L3MBTL3: variants seen among roughly 807,000 people sequenced by gnomAD.
L3MBTL3 encodes the protein lethal(3)malignant brain tumor-like protein 3.
L3MBTL3 carries 27 observed loss-of-function variants against 102.3 expected under a neutral mutation model. The observed-to-expected ratio is 0.26, with a 90% CI of 0.19 to 0.36. L3MBTL3 has a LOEUF of 0.36. Ranked by LOEUF, L3MBTL3 falls within the 10% of genes least tolerant of loss-of-function variation. The pLI is 1.00. For synonymous variants in L3MBTL3, 340 were observed against 320.9 expected (o/e 1.06, Z -0.64); for missense variants, 798 against 955.3 (o/e 0.84, Z 2.17).
chr6:130,047,106 AT>A (rs202197571), intron 3 of L3MBTL3, among the ~76,000 whole-genome samples: 7 of 151,270 alleles, frequency 4.6e-5, no homozygotes, highest in Admixed American at 6.6e-5. Flanking sequence ...GGTATTCTTT[AT>A]TTTTTTTTCA....
chr6:130,084,871 C>T (rs1251053207), intron 15 of L3MBTL3, among the ~76,000 whole-genome samples: 2 of 152,072 alleles, frequency 1.3e-5, no homozygotes, highest in African/African-American at 4.8e-5. Context: ...GCTTTGTTGC[C>T]CAGGCTGGAG....
At chr6:130,125,706 C>T (rs1363049686) in intron 20 of L3MBTL3, among the ~76,000 whole-genome samples, 2 of 152,164 alleles carry the variant, frequency 1.3e-5, no homozygotes, top group Non-Finnish European at 1.5e-5. Flanking sequence ...GTGGCAGAAG[C>T]AGCCCTTTCA....
chr6:130,078,842 C>T (rs1783125888), intron 14 of L3MBTL3, among the ~76,000 whole-genome samples: 1 of 152,078 alleles, frequency 6.6e-6, no homozygotes, highest in African/African-American at 2.4e-5. Context: ...AGTTTATTTA[C>T]AAAAACAGGC....
At position 130,053,401 on chromosome 6, in the gene L3MBTL3, C is replaced by T. The variant is rs189545484; in HGVS notation, c.582+410C>T. Among the ~76,000 whole-genome samples the T allele has an allele frequency of 6.5e-3, 990 of 152,070 alleles. 5 individuals are homozygous for T. The highest frequency in any genetic ancestry group is 9.8e-3 in the Non-Finnish European group (664 of 67,972). On this transcript the variant is annotated intron_variant, in intron 7 of 22. Coordinates refer to ENST00000361794, the MANE Select transcript of L3MBTL3 (RefSeq NM_032438.4). ...CTGTAATCCCAGCACTTTGGGAGGCCGAGGCCGGCAGATCACGAGGTCGGG... is the reference window on the plus strand; with the variant it reads ...CTGTAATCCCAGCACTTTGGGAGGCTGAGGCCGGCAGATCACGAGGTCGGG...
intron 16 of L3MBTL3, 74 bp downstream of exon 16, chr6:130,086,324 T>C (rs1374340617): frequency 3.0e-6 from 3 of 985,552 alleles, no homozygotes; most frequent in Non-Finnish European, 3.1e-6. Flanking sequence ...TGGTAGATAC[T>C]TAACTTGTGA....
chr6:130,052,616 C>T (rs1468807332), intron 6 of L3MBTL3, among the ~76,000 whole-genome samples: 1 of 152,186 alleles, frequency 6.6e-6, no homozygotes, highest in African/African-American at 2.4e-5. Flanking sequence ...TGCTGGCCCC[C>T]TTTTGAAATT....
intron 3 of L3MBTL3, 94 bp downstream of exon 3, chr6:130,042,895 C>A: frequency 2.4e-6 from 2 of 833,438 alleles, no homozygotes; most frequent in Non-Finnish European, 4.0e-6. Context: ...AAATTAAAAG[C>A]ATTAATCATA....
At position 130,133,938 on chromosome 6, in the gene L3MBTL3, T is replaced by A. The variant is rs1472526379; in HGVS notation, c.2199+33T>A. 6.6e-7 allele frequency: 1 copy of A among 1,517,338 alleles called. No individual in the cohort carries two copies. Among genetic ancestry groups the A allele is most frequent in the East Asian group, 2.3e-5 (1 of 44,332 alleles). The allele number at this position is 1,517,338 out of a possible 1,614,324, so 94.0% of individuals were successfully genotyped here. ...TTCCACTAAATTGCAATATGTTACT[T>A]AATGGGATCAAAGCACTGAAATGCA... is the stretch of plus-strand genomic sequence containing the variant. On this transcript the variant is annotated intron_variant, in intron 22 of 22. Transcript: ENST00000361794. The surrounding 1 kb of genome is among the most constrained non-coding windows in gnomAD (Gnocchi z 4.9).
At chr6:130,125,216 T>G (rs1351603990) in intron 20 of L3MBTL3, among the ~76,000 whole-genome samples, 1 of 152,164 alleles carries the variant, frequency 6.6e-6, no homozygotes. Flanking sequence ...TTTGTGATGT[T>G]GTCAACATGT....
chr6:130,022,009 G>A (rs536656011), intron 1 of L3MBTL3, among the ~76,000 whole-genome samples: 41 of 152,262 alleles, frequency 2.7e-4, no homozygotes, highest in Admixed American at 2.2e-3. Context: ...AGACGTTATT[G>A]GGTGAATTTA....
chr6:130,020,226 G>A (rs1361885014), intron 1 of L3MBTL3, among the ~76,000 whole-genome samples: 2 of 151,000 alleles, frequency 1.3e-5, no homozygotes, highest in African/African-American at 2.4e-5. Flanking sequence ...TCCTCGCGCC[G>A]CGGCGGCGGG....
chr6:130,127,097 A>C (rs773121236), intron 20 of L3MBTL3, among the ~76,000 whole-genome samples: 2 of 152,208 alleles, frequency 1.3e-5, no homozygotes, highest in Non-Finnish European at 2.9e-5. Flanking sequence ...TGGTCTTACT[A>C]TGTAGATAAT....
chr6:130,104,757 T>C (rs1323579273), intron 19 of L3MBTL3, among the ~76,000 whole-genome samples, 182 bp downstream of exon 19: 1 of 152,006 alleles, frequency 6.6e-6, no homozygotes, highest in African/African-American at 2.4e-5. Context: ...AATTAGAGAA[T>C]TGATAAAAGC....
Position 130,133,378 on chromosome 6 carries a change from C to A in L3MBTL3, c.1967-74C>A. On this transcript the variant is annotated intron_variant, in intron 20 of 22. Transcript: ENST00000361794. The surrounding 1 kb of genome is among the most constrained non-coding windows in gnomAD (Gnocchi z 4.9). ...CCACTCCCACCTCCAGTCTCGTTAT[C>A]TGGGAGATGCACGGCATTTGGGGCT... 2 of 1,437,830 alleles carry A rather than the reference C, an allele frequency of 1.4e-6. No individual in the cohort carries two copies. The highest frequency in any genetic ancestry group is 1.9e-6 in the Non-Finnish European group (2 of 1,032,728). 89.1% of individuals were successfully genotyped at this position (1,437,830 alleles called of 1,614,324 possible).
chr6:130,061,769 G>T (rs1036953967), intron 10 of L3MBTL3, among the ~76,000 whole-genome samples: 3 of 152,156 alleles, frequency 2.0e-5, no homozygotes, highest in African/African-American at 7.2e-5. Flanking sequence ...TGAGTTGCTA[G>T]CCCTGAAGAA....
At chr6:130,085,100 A>G (rs1227895278) in intron 15 of L3MBTL3, among the ~76,000 whole-genome samples, 2 of 152,110 alleles carry the variant, frequency 1.3e-5, no homozygotes, top group Non-Finnish European at 2.9e-5. Context: ...AAAGTGCTGG[A>G]TTACAGGCAT....
At chr6:130,081,773 A>G (rs1462518800) in intron 14 of L3MBTL3, among the ~76,000 whole-genome samples, 4 of 152,152 alleles carry the variant, frequency 2.6e-5, no homozygotes, top group Non-Finnish European at 5.9e-5. Context: ...TTGAATGTAC[A>G]GAAAGGTTGC....
At chr6:130,037,816 T>C (rs1475784810) in intron 2 of L3MBTL3, among the ~76,000 whole-genome samples, 1 of 152,142 alleles carries the variant, frequency 6.6e-6, no homozygotes, top group Non-Finnish European at 1.5e-5. Context: ...TCTTCTGAAA[T>C]ATACAGTAAA....
At chr6:130,137,359 T>G (rs1477065569) in intron 22 of L3MBTL3, among the ~76,000 whole-genome samples, 1 of 152,200 alleles carries the variant, frequency 6.6e-6, no homozygotes, top group Non-Finnish European at 1.5e-5. Flanking sequence ...GAAAAAAAAG[T>G]AAGCCTTGTA....
Sources: gnomAD v4.1 joint callset for allele counts (sites outside exome capture counted in the v4.1 genomes callset) on GRCh38, gnomAD v4.1.1 for gene constraint, Gnocchi (gnomAD v3.1) non-coding constraint, MANE v1.5 for transcripts, NCBI Gene and HGNC (gene_info 2026-07-23, HGNC 2026-07-21) for gene names.